The following COL25A1 variants were observed in gnomAD, a reference collection of about 807,000 sequenced individuals.
COL25A1 encodes collagen alpha-1(XXV) chain.
Under a neutral mutation model 128.4 loss-of-function variants are expected in COL25A1, and 103 were observed. The observed-to-expected ratio is 0.80, with a 90% confidence interval of 0.68 to 0.94. The LOEUF is 0.94. COL25A1 is among the 40% of genes least tolerant of loss of function. The pLI, the probability that COL25A1 is intolerant of heterozygous loss-of-function variation, is 0.00. For synonymous variants in COL25A1, 279 were observed against 277.2 expected, an observed-to-expected ratio of 1.01 and a Z score of -0.06; for missense variants, 745 against 840.0, an observed-to-expected ratio of 0.89 and a Z score of 1.40.
At chr4:109,274,633 A>C (rs903429778) in intron 3 of COL25A1, among the ~76,000 whole-genome samples, 7 of 152,230 alleles carry the variant, frequency 4.6e-5, no homozygotes, top group African/African-American at 1.7e-4. Flanking sequence ...AAATAATTTA[A>C]GAATTCATAG....
chr4:108,829,940 G>A (rs1246950941), intron 32 of COL25A1, among the ~76,000 whole-genome samples: 1 of 152,152 alleles, frequency 6.6e-6, no homozygotes, highest in African/African-American at 2.4e-5. Flanking sequence ...AGGATGCTTG[G>A]ACCACTGTGC....
intron 3 of COL25A1, among the ~76,000 whole-genome samples, chr4:109,177,950 G>C (rs1364018220): frequency 1.3e-5 from 2 of 152,130 alleles, no homozygotes; most frequent in African/African-American, 2.4e-5. Flanking sequence ...TGAAGATAAA[G>C]TGTTTCAAAT....
At chr4:109,093,545 G>A (rs950065480) in intron 3 of COL25A1, among the ~76,000 whole-genome samples, 1 of 151,770 alleles carries the variant, frequency 6.6e-6, no homozygotes, top group Non-Finnish European at 1.5e-5. Flanking sequence ...GCTGAGGTGA[G>A]AGGATTGCCT....
intron 3 of COL25A1, among the ~76,000 whole-genome samples, chr4:109,245,274 G>A (rs1780185724): frequency 6.6e-6 from 1 of 152,110 alleles, no homozygotes; most frequent in South Asian, 2.1e-4. Context: ...CCAAATATAG[G>A]AATCTGCAAG....
At chr4:108,922,608 T>G (rs1192810066) in intron 11 of COL25A1, among the ~76,000 whole-genome samples, 1 of 152,216 alleles carries the variant, frequency 6.6e-6, no homozygotes, top group Non-Finnish European at 1.5e-5. Context: ...TAATTTGGTC[T>G]GTTGCATAAT....
intron 15 of COL25A1, 35 bp downstream of exon 15, chr4:108,899,119 T>C (rs770922611): frequency 7.5e-6 from 12 of 1,600,824 alleles, no homozygotes; most frequent in African/African-American, 6.7e-5. Context: ...TGGTGGGGAG[T>C]AGGGAGAGAG....
intron 12 of COL25A1, among the ~76,000 whole-genome samples, chr4:108,920,304 T>G (rs1745350858): frequency 6.6e-6 from 1 of 152,230 alleles, no homozygotes; most frequent in African/African-American, 2.4e-5. Context: ...AATTTTGTCA[T>G]GTTTTACCAG....
chr4:108,824,031 G>C lies in COL25A1; in HGVS notation c.1845+143C>G, dbSNP rs1732078450. 4 of 1,610,244 alleles carry C rather than the reference G, an allele frequency of 2.5e-6. No individual in the cohort carries two copies. The East Asian group carries it at 6.7e-5, about 27-fold the overall frequency. On this transcript the variant is annotated intron_variant, in intron 35 of 37. Transcript: ENST00000399132. ...CTTCTTCATTCCTCTCTGAAGACCT[G>C]ATTCCTTAAATCAGGCATCAGTATG...
intron 3 of COL25A1, among the ~76,000 whole-genome samples, chr4:109,246,174 G>C (rs1313851958): frequency 6.6e-6 from 1 of 151,990 alleles, no homozygotes; most frequent in African/African-American, 2.4e-5. Flanking sequence ...TCAGATACAA[G>C]AGTTTAAAAC....
At chr4:109,051,959 A>G (rs1000106950) in intron 3 of COL25A1, among the ~76,000 whole-genome samples, 2 of 152,190 alleles carry the variant, frequency 1.3e-5, no homozygotes, top group Non-Finnish European at 2.9e-5. Flanking sequence ...CCAGAGGGAA[A>G]TTATAATGGA....
At chr4:108,844,447 G>T in intron 30 of COL25A1, 72 bp downstream of exon 30, 3 of 1,613,012 alleles carry the variant, frequency 1.9e-6, no homozygotes, top group Non-Finnish European at 2.5e-6. Context: ...TGTTTAGAGG[G>T]ATGTGTTCAT....
chr4:109,218,356 G>GGTTTTTTTTTT (rs1553961819), intron 3 of COL25A1, among the ~76,000 whole-genome samples: 3 of 100,472 alleles, frequency 3.0e-5, no homozygotes, highest in African/African-American at 8.2e-5. Context: ...GGTTTTTTGG[G>GGTTTTTTTTTT]GTTTTTTTTT....
At chr4:109,209,226 G>T (rs1777295598) in intron 3 of COL25A1, among the ~76,000 whole-genome samples, 2 of 152,102 alleles carry the variant, frequency 1.3e-5, no homozygotes, top group African/African-American at 4.8e-5. Flanking sequence ...TTCAGAATAA[G>T]CTAGTATCTA....
intron 8 of COL25A1, among the ~76,000 whole-genome samples, chr4:108,953,541 G>T (rs560721768): frequency 1.1e-4 from 17 of 152,082 alleles, no homozygotes; most frequent in Non-Finnish European, 2.1e-4. Flanking sequence ...TAAAGAAGCA[G>T]GTTTAAGACA....
At chr4:108,876,327 G>C (rs1233828253) in intron 19 of COL25A1, among the ~76,000 whole-genome samples, 6 of 151,670 alleles carry the variant, frequency 4.0e-5, no homozygotes, top group Admixed American at 2.0e-4. Flanking sequence ...AGGGAGAGAG[G>C]AAGACAAGAG....
At chr4:108,866,416 C>T (rs1283482608) in intron 20 of COL25A1, among the ~76,000 whole-genome samples, 2 of 152,044 alleles carry the variant, frequency 1.3e-5, no homozygotes, top group South Asian at 2.1e-4. Context: ...TGATCTCAAA[C>T]TCCTGGGCTC....
At chr4:108,907,426 G>C (rs1413990624) in intron 13 of COL25A1, among the ~76,000 whole-genome samples, 1 of 152,152 alleles carries the variant, frequency 6.6e-6, no homozygotes, top group Admixed American at 6.5e-5. Context: ...AAGTAGCTGG[G>C]ACGATGCTGG....
At position 108,896,715 on chromosome 4, in the gene COL25A1, A is replaced by G. The variant is rs368501198; in HGVS notation, c.862-4T>C. 23 of 1,613,700 alleles carry G rather than the reference A, an allele frequency of 1.4e-5. No homozygotes were observed. Among genetic ancestry groups the G allele is most frequent in the Non-Finnish European group, 1.8e-5 (21 of 1,179,664 alleles). ...GGCCGTTCTCTCCAGCGTCTCCCTG[A>G]GGAGGTGAGAAAGTGACACATGTAA... On this transcript the variant is annotated splice_polypyrimidine_tract_variant and splice_region_variant and intron_variant, in intron 15 of 37. Coordinates refer to ENST00000399132, the MANE Select transcript of COL25A1 (RefSeq NM_198721.4).
chr4:108,889,417 A>ATTTTTT (rs34358532), intron 17 of COL25A1, among the ~76,000 whole-genome samples, 161 bp from the exon 18 acceptor site: 1 of 130,482 alleles, frequency 7.7e-6, no homozygotes, highest in Non-Finnish European at 1.6e-5. Context: ...AGACATACGG[A>ATTTTTT]TTTTTTTTTT....
Sources: gnomAD v4.1 joint callset for allele counts (sites outside exome capture counted in the v4.1 genomes callset) on GRCh38, gnomAD v4.1.1 for gene constraint, MANE v1.5 for transcripts, NCBI Gene and HGNC (gene_info 2026-07-23, HGNC 2026-07-21) for gene names.